Variants in CSN1S1 observed in about 807,000 individuals in gnomAD.
The protein encoded by CSN1S1 is casein alpha s1.
CSN1S1 carries 63 observed loss-of-function variants against 49.1 expected under a neutral mutation model. That is an observed-to-expected ratio of 1.28 (90% CI 1.05 to 1.58). The LOEUF is 1.58. CSN1S1 is among the 40% of genes most tolerant of loss of function. CSN1S1 has a pLI of 0.00. For missense variants in CSN1S1, 260 were observed against 224.7 expected (o/e 1.16, Z -1.01); for synonymous variants, 78 against 67.1 (o/e 1.16, Z -0.79).
Position 69,945,020 on chromosome 4 carries a change from TTAC to T in CSN1S1, c.557+20_557+22del. On this transcript the variant is annotated intron_variant, in intron 15 of 15. Coordinates refer to ENST00000246891, the MANE Select transcript of CSN1S1 (RefSeq NM_001890.2). ...TACAGTGGTGGTAAGTTCATTTAAA[TTAC>T]TACATCTTGATGTTCTACCAAAGGA... The T allele has an allele frequency of 6.2e-7, 1 of 1,610,684 alleles. No individual in the cohort carries two copies.
intron 2 of CSN1S1, among the ~76,000 whole-genome samples, 182 bp from the exon 3 acceptor site, chr4:69,934,030 A>G (rs575575829): frequency 4.3e-4 from 66 of 152,126 alleles, no homozygotes; most frequent in African/African-American, 1.5e-3. Flanking sequence ...AAAAATAATT[A>G]TGATTTCTTT....
intron 9 of CSN1S1, 85 bp from the exon 10 acceptor site, chr4:69,939,091 C>T (rs908109764): frequency 3.3e-6 from 3 of 913,738 alleles, no homozygotes; most frequent in Non-Finnish European, 1.7e-6. Flanking sequence ...CCATGGTAAG[C>T]ATTTCACCAT....
intron 4 of CSN1S1, among the ~76,000 whole-genome samples, chr4:69,935,369 T>A (rs1209012569): frequency 1.3e-5 from 2 of 150,096 alleles, no homozygotes; most frequent in Non-Finnish European, 3.0e-5. Context: ...CCAAACCCCG[T>A]CTCTACAAAA....
At chr4:69,934,813 C>A in intron 4 of CSN1S1, 103 bp downstream of exon 4, 1 of 1,001,646 alleles carries the variant, frequency 1.0e-6, no homozygotes, top group Non-Finnish European at 1.5e-6. Flanking sequence ...TTTTTATTTC[C>A]CTTCAAATGC....
At chr4:69,940,129 A>G in intron 11 of CSN1S1, 85 bp downstream of exon 11, 1 of 514,490 alleles carries the variant, frequency 1.9e-6, no homozygotes, top group African/African-American at 2.0e-5. Flanking sequence ...ACACACACAC[A>G]CACACACACA....
chr4:69,944,457 A>G (rs1481792835), intron 14 of CSN1S1, among the ~76,000 whole-genome samples: 2 of 151,964 alleles, frequency 1.3e-5, no homozygotes, highest in South Asian at 2.1e-4. Context: ...CTTTGACCCC[A>G]GTGGCTTTAA....
At chr4:69,936,684 A>T (rs1722799635) in intron 7 of CSN1S1, 77 bp downstream of exon 7, 3 of 1,363,656 alleles carry the variant, frequency 2.2e-6, no homozygotes, top group Non-Finnish European at 3.0e-6. Context: ...CTTTAGGAAA[A>T]AAAAGCATTT....
rs566968651 is a variant in CSN1S1, at chr4:69,941,079, T to C, written c.342+19T>C. The C allele has an allele frequency of 3.1e-6, 4 of 1,294,092 alleles. No individual in the cohort carries two copies. 80.2% of individuals were successfully genotyped at this position (1,294,092 alleles called of 1,614,324 possible). On this transcript the variant is annotated intron_variant, in intron 12 of 15. Transcript: ENST00000246891. ...TCAGCTGGTAATATTTTATTCATTA[T>C]AATACAAAATCATATTCTACTATAG...
At chr4:69,939,073 T>C (rs1029045603) in intron 9 of CSN1S1, 103 bp from the exon 10 acceptor site, 2 of 788,556 alleles carry the variant, frequency 2.5e-6, no homozygotes, top group Admixed American at 2.3e-5. Context: ...TATTCAGTTA[T>C]AATGTTACCA....
chr4:69,936,011 G>A, intron 5 of CSN1S1, 62 bp downstream of exon 5: 1 of 1,297,158 alleles, frequency 7.7e-7, no homozygotes. Flanking sequence ...GTTAAGATCA[G>A]GAGACTCAGA....
In CSN1S1 at chr4:69,937,787, T is replaced by C; in HGVS notation, c.220-13T>C. 5 of 1,588,600 alleles carry C rather than the reference T, an allele frequency of 3.1e-6. No homozygotes were observed. The highest frequency in any genetic ancestry group is 4.3e-6 in the Non-Finnish European group (5 of 1,169,630). On this transcript the variant is annotated splice_polypyrimidine_tract_variant and intron_variant, in intron 8 of 15. Transcript: ENST00000246891. ...TCATGAAAAATGAAATTGATTATTTTTTCTTTCTTAAGAACTGTGTTGTGG... is the reference window on the plus strand; with the variant it reads ...TCATGAAAAATGAAATTGATTATTTCTTCTTTCTTAAGAACTGTGTTGTGG...
At chr4:69,941,836 T>A (rs945186004) in intron 12 of CSN1S1, among the ~76,000 whole-genome samples, 1 of 151,852 alleles carries the variant, frequency 6.6e-6, no homozygotes, top group Non-Finnish European at 1.5e-5. Context: ...CTGAATAATA[T>A]ATTTTAGTAC....
At chr4:69,946,107 A>C (rs1723157432) in intron 15 of CSN1S1, 89 bp from the exon 16 acceptor site, 4 of 388,746 alleles carry the variant, frequency 1.0e-5, no homozygotes, top group Non-Finnish European at 2.0e-5. Flanking sequence ...ACGAAGAGAA[A>C]ATAGTAAAAC....
At chr4:69,942,710 A>T (rs1560390686) in intron 14 of CSN1S1, 133 bp downstream of exon 14, 3 of 675,500 alleles carry the variant, frequency 4.4e-6, no homozygotes, top group Non-Finnish European at 7.7e-6. Context: ...CTTAAATCTC[A>T]GTTCTGACAA....
intron 8 of CSN1S1, 62 bp downstream of exon 8, chr4:69,937,206 C>T: frequency 8.9e-7 from 1 of 1,125,870 alleles, no homozygotes; most frequent in East Asian, 2.7e-5. Context: ...TACATATTTC[C>T]CCAAATAAAT....
intron 3 of CSN1S1, 70 bp from the exon 4 acceptor site, chr4:69,934,620 G>A (rs1722711239): frequency 2.1e-6 from 3 of 1,419,930 alleles, no homozygotes; most frequent in South Asian, 2.4e-5. Context: ...AACTTTCTAT[G>A]AGCACAACTA....
intron 1 of CSN1S1, among the ~76,000 whole-genome samples, chr4:69,931,767 A>G (rs1414765098): frequency 2.0e-5 from 3 of 151,884 alleles, no homozygotes; most frequent in African/African-American, 7.2e-5. Context: ...AACAAATAGT[A>G]TGTGTGACCT....
chr4:69,933,997 T>G (rs932976460), intron 2 of CSN1S1, among the ~76,000 whole-genome samples: 10 of 152,038 alleles, frequency 6.6e-5, no homozygotes, highest in Admixed American at 1.3e-4. Flanking sequence ...AAGGAAATGA[T>G]TATTTTCCTT....
At chr4:69,937,917 A>C (rs1272517312) in intron 9 of CSN1S1, 94 bp downstream of exon 9, 3 of 769,924 alleles carry the variant, frequency 3.9e-6, no homozygotes, top group Non-Finnish European at 5.9e-6. Context: ...TTCTGAAATT[A>C]AGCAAAATAA....
Sources: allele counts gnomAD v4.1 joint callset (sites outside exome capture counted in the v4.1 genomes callset), GRCh38; gene constraint gnomAD v4.1.1; transcripts MANE v1.5; gene names NCBI Gene and HGNC (gene_info 2026-07-23, HGNC 2026-07-21).